The following ADARB2 variants were observed in gnomAD, a reference collection of about 807,000 sequenced individuals.
ADARB2 encodes adenosine deaminase RNA specific B2 (inactive), also known as inactive double-stranded RNA-specific editase B2.
In ADARB2, 25 loss-of-function variants were observed where a neutral mutation model predicts 62.2. That is an observed-to-expected ratio of 0.40 (90% confidence interval 0.29 to 0.56). The LOEUF (loss-of-function observed/expected upper bound fraction) is 0.56, where lower values mean the gene tolerates loss of function less well. Ranked by LOEUF, ADARB2 falls within the 20% of genes least tolerant of loss-of-function variation. The pLI is 0.43. For synonymous variants in ADARB2, 572 were observed against 500.8 expected, an observed-to-expected ratio of 1.14 and a Z score of -1.90; for missense variants, 1,071 against 1,077.4, an observed-to-expected ratio of 0.99 and a Z score of 0.08.
chr10:1,441,340 G>T (rs1830904359), intron 1 of ADARB2, among the ~76,000 whole-genome samples: 1 of 152,178 alleles, frequency 6.6e-6, no homozygotes, highest in Non-Finnish European at 1.5e-5. Flanking sequence ...CAGATGCACT[G>T]TTTTTAACAT....
chr10:1,269,722 C>A (rs1831240609), intron 4 of ADARB2, among the ~76,000 whole-genome samples: 1 of 152,168 alleles, frequency 6.6e-6, no homozygotes, highest in South Asian at 2.1e-4. Flanking sequence ...GGGGCTGTGT[C>A]TCTTCCTCAC....
chr10:1,412,945 C>T (rs943947897), intron 1 of ADARB2, among the ~76,000 whole-genome samples: 3 of 152,212 alleles, frequency 2.0e-5, no homozygotes, highest in Admixed American at 6.5e-5. Flanking sequence ...GGTCCCCAGC[C>T]GCCCACCCTA....
intron 1 of ADARB2, among the ~76,000 whole-genome samples, chr10:1,395,671 C>T (rs1832605898): frequency 6.6e-6 from 1 of 152,194 alleles, no homozygotes; most frequent in African/African-American, 2.4e-5. Context: ...CTCATCCCTG[C>T]GACGCAGACC....
chr10:1,369,863 C>G (rs1315413356), intron 2 of ADARB2, among the ~76,000 whole-genome samples: 2 of 152,198 alleles, frequency 1.3e-5, no homozygotes, highest in Admixed American at 6.5e-5. Context: ...GAAGCTGTCT[C>G]CAAAGCTCGA....
chr10:1,487,096 C>T lies in ADARB2; in HGVS notation c.101-107936G>A, dbSNP rs113993519. Among the ~76,000 whole-genome samples, 11 of 152,342 alleles carry T rather than the reference C, an allele frequency of 7.2e-5. 1 individual carries two copies. The South Asian group carries it at 8.3e-4, about 11-fold the overall frequency. ...GCTCATCAGCTGCACGCGTGGGTGC[C>T]GTGGGAGCCCGGATGCTGGGGAGGC... On this transcript the variant is annotated intron_variant, in intron 1 of 9. Transcript: ENST00000381312.
rs1044697913 is a variant in ADARB2, at chr10:1,531,295, G to A, written c.101-152135C>T. 5.9e-5 allele frequency among the ~76,000 whole-genome samples: 9 copies of A among 152,236 alleles called. No individual in the cohort carries two copies. In the South Asian group the frequency reaches 6.2e-4, roughly 11 times the overall value. On this transcript the variant is annotated intron_variant, in intron 1 of 9. Transcript: ENST00000381312. ...CAAGTCGATCCCATCAGGACAAAGCGAGTGTGCAGGCTGCTGCATGCCAAG... is the reference window on the plus strand; with the variant it reads ...CAAGTCGATCCCATCAGGACAAAGCAAGTGTGCAGGCTGCTGCATGCCAAG...
intron 1 of ADARB2, among the ~76,000 whole-genome samples, chr10:1,509,061 G>A (rs760241446): frequency 7.9e-5 from 12 of 152,168 alleles, no homozygotes; most frequent in Non-Finnish European, 1.8e-4. Context: ...GCATCCGGGA[G>A]GAGCCGGTCC....
chr10:1,717,593 T>C (rs1233586357), intron 1 of ADARB2, among the ~76,000 whole-genome samples: 4 of 151,802 alleles, frequency 2.6e-5, no homozygotes, highest in African/African-American at 9.7e-5. Context: ...CTTTCTTCTT[T>C]TTTTGAGACA....
chr10:1,275,461 C>T (rs1274464851), intron 3 of ADARB2, among the ~76,000 whole-genome samples: 1 of 152,204 alleles, frequency 6.6e-6, no homozygotes, highest in Non-Finnish European at 1.5e-5. Flanking sequence ...CTTCCTCTCC[C>T]CAGGTCCACA....
chr10:1,540,451 C>T (rs980963241), intron 1 of ADARB2, among the ~76,000 whole-genome samples: 13 of 151,894 alleles, frequency 8.6e-5, no homozygotes, highest in Admixed American at 5.2e-4. Context: ...AATTTGAACC[C>T]CATGATCACA....
chr10:1,325,622 A>G (rs1831837814), intron 3 of ADARB2, among the ~76,000 whole-genome samples: 1 of 152,296 alleles, frequency 6.6e-6, no homozygotes, highest in South Asian at 2.1e-4. Context: ...AGACCCCGGG[A>G]CCCCATCTGT....
At chr10:1,685,777 G>T (rs1588352252) in intron 1 of ADARB2, among the ~76,000 whole-genome samples, 1 of 152,204 alleles carries the variant, frequency 6.6e-6, no homozygotes, top group Non-Finnish European at 1.5e-5. Context: ...TCTCCTGGCT[G>T]GAATCAAGGT....
chr10:1,305,301 GAAGA>G (rs937504384), intron 3 of ADARB2, among the ~76,000 whole-genome samples: 4 of 151,470 alleles, frequency 2.6e-5, no homozygotes, highest in Non-Finnish European at 5.9e-5. Flanking sequence ...AGAAAATCTA[GAAGA>G]AATGGATAAA....
chr10:1,342,979 A>G (rs919546100), intron 3 of ADARB2, among the ~76,000 whole-genome samples: 1 of 152,236 alleles, frequency 6.6e-6, no homozygotes, highest in Admixed American at 6.5e-5. Flanking sequence ...CTTGTATGAT[A>G]AAAAATGCTT....
At chr10:1,390,989 C>T (rs1832564827) in intron 1 of ADARB2, among the ~76,000 whole-genome samples, 1 of 152,198 alleles carries the variant, frequency 6.6e-6, no homozygotes, top group Non-Finnish European at 1.5e-5. Flanking sequence ...TAGCCAACAC[C>T]TGCTTTTTGG....
chr10:1,182,861 C>G lies in ADARB2; in HGVS notation c.*332G>C. The stretch of plus-strand genomic sequence containing the variant: ...GACGGGGCCTGAGGCTCACTCCTGC[C>G]TGGTGTCGTGTCGGTGCCTCCTTCC... On this transcript the variant is annotated 3_prime_UTR_variant, in exon 10 of 10. Transcript: ENST00000381312. The G allele has an allele frequency of 3.8e-6, 1 of 263,224 alleles. No individual in the cohort carries two copies. The highest frequency in any genetic ancestry group is 7.4e-6 in the Non-Finnish European group (1 of 135,882). 16.3% of individuals were successfully genotyped at this position (263,224 alleles called of 1,614,324 possible). A position where few individuals can be genotyped will look rare whatever the true frequency, so the allele number is the denominator to read the frequency against.
chr10:1,200,204 CCT>C (rs1836967201), intron 7 of ADARB2, 57 bp from the exon 8 acceptor site: 3 of 1,542,894 alleles, frequency 1.9e-6, no homozygotes, highest in Admixed American at 2.0e-5. Flanking sequence ...GGAGCCTGGT[CCT>C]CTCTGTCCGT....
chr10:1,695,074 G>A (rs1834722461), intron 1 of ADARB2, among the ~76,000 whole-genome samples: 1 of 152,198 alleles, frequency 6.6e-6, no homozygotes, highest in Non-Finnish European at 1.5e-5. Context: ...CTTGGGTTTT[G>A]TGCAGCGAGG....
At chr10:1,708,245 T>C (rs1834914218) in intron 1 of ADARB2, among the ~76,000 whole-genome samples, 1 of 152,074 alleles carries the variant, frequency 6.6e-6, no homozygotes, top group African/African-American at 2.4e-5. Flanking sequence ...GAGTTTTCTA[T>C]GTTGCAGGAG....
Sources: gnomAD v4.1 joint callset for allele counts (sites outside exome capture counted in the v4.1 genomes callset) on GRCh38, gnomAD v4.1.1 for gene constraint, MANE v1.5 for transcripts, NCBI Gene and HGNC (gene_info 2026-07-23, HGNC 2026-07-21) for gene names.